THSD4: variants seen among roughly 807,000 people sequenced by gnomAD.
THSD4 encodes the protein thrombospondin type 1 domain containing 4, also known as thrombospondin type-1 domain-containing protein 4.
In THSD4, 69 loss-of-function variants were observed where a neutral mutation model predicts 119.0. The ratio of observed to expected loss-of-function variants is 0.58; its 90% CI spans 0.48 to 0.71. The LOEUF is 0.71. THSD4 is among the 30% of genes least tolerant of loss of function. The probability of loss-of-function intolerance (pLI) is 0.00; values close to 1 mark genes in which losing one functional copy is unlikely to be tolerated. For missense variants in THSD4, 1,393 were observed against 1,391.1 expected (o/e 1.00, Z -0.02); for synonymous variants, 524 against 540.4 (o/e 0.97, Z 0.42).
intron 1 of THSD4, among the ~76,000 whole-genome samples, chr15:71,101,818 A>T (rs552173667): frequency 6.6e-6 from 1 of 151,978 alleles, no homozygotes; most frequent in East Asian, 1.9e-4. Flanking sequence ...GGCTCAAGCG[A>T]TTCTCGTGCC....
intron 3 of THSD4, among the ~76,000 whole-genome samples, chr15:71,212,872 A>C (rs1277486705): frequency 1.3e-5 from 2 of 152,184 alleles, no homozygotes; most frequent in Admixed American, 1.3e-4. Context: ...GAAAGTGTTA[A>C]CTGGCGCTAG....
At chr15:71,217,064 T>C (rs528616991) in intron 4 of THSD4, among the ~76,000 whole-genome samples, 58 of 152,318 alleles carry the variant, frequency 3.8e-4, no homozygotes, top group African/African-American at 1.4e-3. Context: ...CCCAAAGTGC[T>C]GGGATTATAG....
chr15:71,699,814 A>C (rs1033215099), intron 8 of THSD4, among the ~76,000 whole-genome samples: 3 of 152,172 alleles, frequency 2.0e-5, no homozygotes, highest in Non-Finnish European at 2.9e-5. Context: ...TAATTCCAGG[A>C]GTAAAAAGGT....
chr15:71,272,835 G>A (rs1489491125), intron 6 of THSD4, among the ~76,000 whole-genome samples: 1 of 151,992 alleles, frequency 6.6e-6, no homozygotes, highest in African/African-American at 2.4e-5. Flanking sequence ...TTGCACTCCA[G>A]CCTGGGTGAT....
At chr15:71,150,332 A>G (rs1012442184) in intron 2 of THSD4, among the ~76,000 whole-genome samples, 4 of 152,226 alleles carry the variant, frequency 2.6e-5, no homozygotes, top group Admixed American at 2.0e-4. Context: ...ACAGATACCA[A>G]TTAGCTAAGT....
chr15:71,459,380 GTCTCTCTCTC>G (rs141034841), intron 7 of THSD4, among the ~76,000 whole-genome samples: 1 of 137,702 alleles, frequency 7.3e-6, no homozygotes. Flanking sequence ...CTGTCTCTCT[GTCTCTCTCTC>G]TCTCTCTCTC....
intron 2 of THSD4, among the ~76,000 whole-genome samples, chr15:71,145,050 G>A (rs894961204): frequency 2.0e-5 from 3 of 149,158 alleles, no homozygotes; most frequent in Admixed American, 1.3e-4. Flanking sequence ...TTATTTGTTT[G>A]TTCAGTGAGT....
chr15:71,587,787 T>TAAAAAAAAAAAAAAAAAAATAAA (rs1207231444), intron 7 of THSD4, among the ~76,000 whole-genome samples: 1 of 105,554 alleles, frequency 9.5e-6, no homozygotes, highest in Non-Finnish European at 1.9e-5. Flanking sequence ...AAAAAAAAAT[T>TAAAAAAAAAAAAAAAAAAATAAA]AAAAAAAAAA....
intron 7 of THSD4, among the ~76,000 whole-genome samples, chr15:71,573,947 C>G (rs998325154): frequency 4.6e-5 from 7 of 152,172 alleles, no homozygotes; most frequent in African/African-American, 1.4e-4. Flanking sequence ...GGCTTTTAAT[C>G]TTTTTAAAAT....
At chr15:71,640,073 C>CT (rs1387188314) in intron 7 of THSD4, among the ~76,000 whole-genome samples, 5 of 151,736 alleles carry the variant, frequency 3.3e-5, no homozygotes, top group Non-Finnish European at 5.9e-5. Flanking sequence ...ACAACGGCAA[C>CT]TTTTTTTTGC....
intron 7 of THSD4, among the ~76,000 whole-genome samples, chr15:71,462,369 C>A (rs987175436): frequency 3.5e-4 from 53 of 152,108 alleles, no homozygotes; most frequent in African/African-American, 1.3e-3. Flanking sequence ...GTTGCCCAGG[C>A]TGGTCTCAAA....
At chr15:71,664,758 G>C (rs887335394) in intron 8 of THSD4, among the ~76,000 whole-genome samples, 1 of 152,074 alleles carries the variant, frequency 6.6e-6, no homozygotes, top group African/African-American at 2.4e-5. Flanking sequence ...TTGGTTTTCT[G>C]TTCCTGCGTG....
intron 8 of THSD4, among the ~76,000 whole-genome samples, chr15:71,704,083 C>T (rs1038031988): frequency 1.4e-4 from 21 of 152,112 alleles, no homozygotes; most frequent in African/African-American, 4.6e-4. Context: ...CTCCTGACCT[C>T]GTGATCCGCC....
At chr15:71,477,838 A>G (rs1262022979) in intron 7 of THSD4, among the ~76,000 whole-genome samples, 1 of 152,152 alleles carries the variant, frequency 6.6e-6, no homozygotes, top group Non-Finnish European at 1.5e-5. Flanking sequence ...ACCCAAGTAA[A>G]TCTTCACTTG....
At position 71,592,999 on chromosome 15, in the gene THSD4, T is replaced by C. The variant is rs965002984; in HGVS notation, c.1153-67531T>C. ...TCCAAGGGTATGCACCTAGCGAAAA[T>C]AGAGATTTGAACCTCAGGTTCTTTC... On this transcript the variant is annotated intron_variant, in intron 7 of 17. Coordinates refer to ENST00000261862, the MANE Select transcript of THSD4 (RefSeq NM_024817.3). Among the ~76,000 whole-genome samples, 5 of 152,108 alleles carry C rather than the reference T, an allele frequency of 3.3e-5. No homozygotes were observed. In the East Asian group the frequency reaches 9.7e-4, roughly 29 times the overall value.
intron 3 of THSD4, among the ~76,000 whole-genome samples, chr15:71,158,760 T>C (rs1347167889): frequency 6.6e-6 from 1 of 152,042 alleles, no homozygotes. Flanking sequence ...TATGTTGTCT[T>C]TTCAGTTTAT....
At position 71,242,769 on chromosome 15, in the gene THSD4, A is replaced by G. The variant is rs2044164182; in HGVS notation, c.585A>G (p.Ser195=). The change falls in exon 5 of 18, where the codon TCA becomes TCG. Residue 195 remains serine, a synonymous_variant. Transcript: ENST00000261862. ...TPQRLRRQKL[S]SRHSRSQGAS... is the part of the protein sequence containing the mutation. ...AGAGGCTCCGGAGACAGAAGCTCTC[A>G]TCCCGCCATTCCAGGTCCCAGGGAG... 1.2e-6 allele frequency: 2 copies of G among 1,614,146 alleles called. No individual in the cohort carries two copies. Among genetic ancestry groups the G allele is most frequent in the East Asian group, 4.5e-5 (2 of 44,876 alleles).
chr15:71,217,358 C>T (rs1328458489), intron 4 of THSD4, among the ~76,000 whole-genome samples: 1 of 152,108 alleles, frequency 6.6e-6, no homozygotes, highest in African/African-American at 2.4e-5. Context: ...TGGCTCACTC[C>T]TGTAATCCTA....
intron 5 of THSD4, among the ~76,000 whole-genome samples, chr15:71,249,718 T>G (rs2044241114): frequency 6.6e-6 from 1 of 152,226 alleles, no homozygotes; most frequent in Admixed American, 6.5e-5. Flanking sequence ...AAGACATGTA[T>G]ATCCTTGTCT....
Sources: gnomAD v4.1 joint callset for allele counts (sites outside exome capture counted in the v4.1 genomes callset) on GRCh38, gnomAD v4.1.1 for gene constraint, MANE v1.5 for transcripts, NCBI Gene and HGNC (gene_info 2026-07-23, HGNC 2026-07-21) for gene names.